Variants in PLCB1 observed in about 807,000 individuals in gnomAD.
PLCB1 encodes the protein phospholipase C beta 1, also known as 1-phosphatidylinositol 4,5-bisphosphate phosphodiesterase beta-1.
In PLCB1, 46 loss-of-function variants were observed where a neutral mutation model predicts 161.8. The ratio of observed to expected loss-of-function variants is 0.28; its 90% CI spans 0.22 to 0.36. The LOEUF is 0.36. Among genes scored for constraint, PLCB1 ranks in the 10% least tolerant of loss-of-function variants. PLCB1 has a pLI of 1.00. For missense variants in PLCB1, 1,016 were observed against 1,472.5 expected (o/e 0.69, Z 5.07); for synonymous variants, 517 against 503.7 (o/e 1.03, Z -0.35).
chr20:8,817,992 T>A (rs59137954), intron 31 of PLCB1, among the ~76,000 whole-genome samples: 9,012 of 152,174 alleles, frequency 0.059, 760 homozygotes, highest in African/African-American at 0.19. Context: ...TTTTTAGTGA[T>A]CTATATAATT....
intron 3 of PLCB1, among the ~76,000 whole-genome samples, chr20:8,482,544 A>G (rs1982549408): frequency 6.6e-6 from 1 of 152,200 alleles, no homozygotes; most frequent in Non-Finnish European, 1.5e-5. Context: ...ATAACATTCT[A>G]TAGTCCCCTC....
At chr20:8,508,425 C>T (rs1281240416) in intron 3 of PLCB1, among the ~76,000 whole-genome samples, 3 of 152,188 alleles carry the variant, frequency 2.0e-5, no homozygotes, top group African/African-American at 7.2e-5. Flanking sequence ...TACCTAAACA[C>T]GTGAGGACCC....
At chr20:8,824,456 G>T (rs1424061846) in intron 31 of PLCB1, among the ~76,000 whole-genome samples, 1 of 152,148 alleles carries the variant, frequency 6.6e-6, no homozygotes, top group African/African-American at 2.4e-5. Flanking sequence ...CCCTGTTTCT[G>T]CTTTATTAAT....
intron 2 of PLCB1, among the ~76,000 whole-genome samples, chr20:8,343,942 G>A (rs749983258): frequency 6.6e-5 from 10 of 152,144 alleles, no homozygotes; most frequent in South Asian, 2.1e-4. Flanking sequence ...TGACGTACTC[G>A]TTGACATCAG....
At chr20:8,306,584 T>G (rs2123329297) in intron 2 of PLCB1, among the ~76,000 whole-genome samples, 1 of 152,314 alleles carries the variant, frequency 6.6e-6, no homozygotes, top group East Asian at 1.9e-4. Context: ...GTCTTTGGAA[T>G]CAAGCGAAGT....
rs1482945627 is a variant in PLCB1 at position 8,140,644 on chromosome 20, G to A, written c.99+7894G>A. 2.0e-5 allele frequency among the ~76,000 whole-genome samples: 3 copies of A among 152,160 alleles called. No individual in the cohort carries two copies. In the East Asian group the frequency reaches 5.8e-4, roughly 29 times the overall value. ...CACGTAGAAGCAAATCGAGGCTAGT[G>A]ATTGTGATTTGTCGAAGGGCACATA... is the stretch of plus-strand genomic sequence containing the variant. On this transcript the variant is annotated intron_variant, in intron 1 of 31. Transcript: ENST00000338037.
At chr20:8,222,510 A>C (rs1037967743) in intron 2 of PLCB1, among the ~76,000 whole-genome samples, 2 of 152,040 alleles carry the variant, frequency 1.3e-5, no homozygotes, top group Admixed American at 1.3e-4. Flanking sequence ...TTTTCTCTTT[A>C]CTTTTGGTTT....
At chr20:8,300,298 C>G (rs1363856039) in intron 2 of PLCB1, among the ~76,000 whole-genome samples, 2 of 152,226 alleles carry the variant, frequency 1.3e-5, no homozygotes, top group Non-Finnish European at 2.9e-5. Context: ...AAACAAATCA[C>G]ATTTCTTAGC....
At chr20:8,518,090 G>A (rs1172014810) in intron 3 of PLCB1, among the ~76,000 whole-genome samples, 2 of 152,028 alleles carry the variant, frequency 1.3e-5, no homozygotes, top group Non-Finnish European at 2.9e-5. Flanking sequence ...GCTGAGGCAG[G>A]AGAATCGCTT....
Position 8,319,852 on chromosome 20 carries a change from G to A in PLCB1, c.178-51530G>A, listed in dbSNP as rs1375612633. On this transcript the variant is annotated intron_variant, in intron 2 of 31. Coordinates refer to ENST00000338037, the MANE Select transcript of PLCB1 (RefSeq NM_015192.4). ...GAGGAAAGGAGAAGCCTCTTGGGGTGGGGGGAAGGGGGAGGGATAGCATTA... is the reference window on the plus strand; with the variant it reads ...GAGGAAAGGAGAAGCCTCTTGGGGTAGGGGGAAGGGGGAGGGATAGCATTA... Among the ~76,000 whole-genome samples the A allele has an allele frequency of 3.3e-5, 5 of 151,280 alleles. No individual in the cohort carries two copies. In the East Asian group the frequency reaches 9.8e-4, roughly 30 times the overall value.
chr20:8,635,291 G>A (rs1241877682), intron 4 of PLCB1, among the ~76,000 whole-genome samples: 1 of 152,084 alleles, frequency 6.6e-6, no homozygotes, highest in African/African-American at 2.4e-5. Context: ...GAAAGGGGAA[G>A]GAGAAGGGAA....
At chr20:8,428,034 ACCT>A (rs746634017) in intron 3 of PLCB1, among the ~76,000 whole-genome samples, 1 of 152,066 alleles carries the variant, frequency 6.6e-6, no homozygotes, top group South Asian at 2.1e-4. Context: ...TTCCCCCACA[ACCT>A]TCTTCCCTGA....
chr20:8,138,321 T>A (rs2051369145), intron 1 of PLCB1, among the ~76,000 whole-genome samples: 1 of 152,250 alleles, frequency 6.6e-6, no homozygotes, highest in Admixed American at 6.5e-5. Context: ...TATGTGGGAT[T>A]TGGTAAACTG....
chr20:8,450,811 C>T (rs898117033), intron 3 of PLCB1, among the ~76,000 whole-genome samples: 28 of 152,132 alleles, frequency 1.8e-4, no homozygotes, highest in Non-Finnish European at 3.4e-4. Flanking sequence ...TTCCTAGAAG[C>T]TAATGTTACC....
intron 24 of PLCB1, among the ~76,000 whole-genome samples, chr20:8,759,719 C>T (rs1196839152): frequency 6.6e-6 from 1 of 151,846 alleles, no homozygotes; most frequent in Non-Finnish European, 1.5e-5. Flanking sequence ...AGGCTGGTGT[C>T]GAGCTCCTGA....
At chr20:8,827,102 A>G (rs1197201965) in intron 31 of PLCB1, among the ~76,000 whole-genome samples, 1 of 152,226 alleles carries the variant, frequency 6.6e-6, no homozygotes, top group East Asian at 1.9e-4. Context: ...ATAAAAGTTT[A>G]AGTTTATACT....
intron 2 of PLCB1, among the ~76,000 whole-genome samples, chr20:8,323,581 G>A (rs1384415409): frequency 1.3e-5 from 2 of 152,032 alleles, no homozygotes; most frequent in African/African-American, 4.8e-5. Context: ...CTTCTCATTC[G>A]GAGGTTCAAG....
chr20:8,387,825 T>C (rs1256764049), intron 3 of PLCB1, among the ~76,000 whole-genome samples: 1 of 152,040 alleles, frequency 6.6e-6, no homozygotes, highest in Non-Finnish European at 1.5e-5. Context: ...AGTTATTGTT[T>C]AGTGGGTACA....
At chr20:8,207,819 G>A (rs1468737252) in intron 2 of PLCB1, among the ~76,000 whole-genome samples, 1 of 152,100 alleles carries the variant, frequency 6.6e-6, no homozygotes, top group African/African-American at 2.4e-5. Flanking sequence ...GGGCTCAAGT[G>A]ATCATCCCAT....
Sources: allele counts gnomAD v4.1 joint callset (sites outside exome capture counted in the v4.1 genomes callset), GRCh38; gene constraint gnomAD v4.1.1; transcripts MANE v1.5; gene names NCBI Gene and HGNC (gene_info 2026-07-23, HGNC 2026-07-21).